SCEL: variants seen among roughly 807,000 people sequenced by gnomAD.
SCEL encodes sciellin.
SCEL carries 113 observed loss-of-function variants against 117.6 expected under a neutral mutation model. The observed-to-expected ratio is 0.96, with a 90% CI of 0.83 to 1.12. The LOEUF (loss-of-function observed/expected upper bound fraction) is 1.12, where lower values mean the gene tolerates loss of function less well. Ranked by LOEUF, SCEL falls within the 50% of genes most tolerant of loss-of-function variation. The pLI is 0.00. For missense variants in SCEL, 785 were observed against 810.8 expected, an observed-to-expected ratio of 0.97 and a Z score of 0.39; for synonymous variants, 270 against 256.2, an observed-to-expected ratio of 1.05 and a Z score of -0.51.
chr13:77,556,675 G>C lies in SCEL; in HGVS notation c.123G>C (p.Gln41His), dbSNP rs1567345296. 1.2e-6 allele frequency: 2 copies of C among 1,614,060 alleles called. No individual in the cohort carries two copies. The highest frequency in any genetic ancestry group is 3.3e-5 in the Admixed American group (2 of 60,014). Reference sequence around the variant, plus strand: ...TGAACAAAAGAAGAACTTTCTTACAGGATAACAGTTGGATAAAGAAACGCC... The same window carrying C: ...TGAACAAAAGAAGAACTTTCTTACACGATAACAGTTGGATAAAGAAACGCC... ...HEVNKRRTFL[Q>H]DNSWIKKRPE... The change falls in exon 3 of 33, where the codon CAG becomes CAC. Residue 41 changes from glutamine to histidine, a missense_variant. Gln to His is a conservative substitution (Grantham distance 24, BLOSUM62 0). Coordinates refer to ENST00000349847, the MANE Select transcript of SCEL (RefSeq NM_144777.3).
chr13:77,599,553 A>T, intron 14 of SCEL, 136 bp from the exon 15 acceptor site: 1 of 876,204 alleles, frequency 1.1e-6, no homozygotes, highest in Non-Finnish European at 1.9e-6. Flanking sequence ...AATTACCCAG[A>T]AGGATTTCTG....
chr13:77,598,128 A>G (rs1387041216), intron 13 of SCEL, among the ~76,000 whole-genome samples: 3 of 152,026 alleles, frequency 2.0e-5, no homozygotes, highest in African/African-American at 7.2e-5. Flanking sequence ...CGTGTGGCTA[A>G]TTTTTAATTT....
Position 77,644,327 on chromosome 13 carries a change from C to T in SCEL, c.*53C>T. 1.9e-6 allele frequency: 3 copies of T among 1,547,862 alleles called. No homozygotes were observed. The highest frequency in any genetic ancestry group is 2.7e-6 in the Non-Finnish European group (3 of 1,123,156). On this transcript the variant is annotated 3_prime_UTR_variant, in exon 33 of 33. Coordinates refer to ENST00000349847, the MANE Select transcript of SCEL (RefSeq NM_144777.3). ...AGCACTCATTAAGGAATTAAAGTTA[C>T]AAGTTTTATCTTAATAATATGTAAT...
intron 9 of SCEL, among the ~76,000 whole-genome samples, chr13:77,579,094 G>A (rs570790572): frequency 1.3e-5 from 2 of 152,216 alleles, no homozygotes; most frequent in South Asian, 2.1e-4. Context: ...AGTGTGGGTC[G>A]ATGGATTCTA....
intron 8 of SCEL, among the ~76,000 whole-genome samples, chr13:77,571,449 G>A (rs2085618676): frequency 6.6e-6 from 1 of 151,220 alleles, no homozygotes; most frequent in Non-Finnish European, 1.5e-5. Context: ...AGCACTTTCA[G>A]AGGCCGAGGC....
chr13:77,602,217 C>A, intron 16 of SCEL, 93 bp downstream of exon 16: 2 of 1,049,072 alleles, frequency 1.9e-6, no homozygotes, highest in Non-Finnish European at 2.8e-6. Flanking sequence ...TCCTTTGTGG[C>A]AGTGAACTCT....
chr13:77,567,225 G>A (rs774127251), intron 5 of SCEL, among the ~76,000 whole-genome samples: 18 of 152,242 alleles, frequency 1.2e-4, no homozygotes, highest in African/African-American at 4.1e-4. Flanking sequence ...AGGTGGAGGC[G>A]GATGGGTTAC....
chr13:77,551,459 G>A (rs544321386), intron 1 of SCEL, among the ~76,000 whole-genome samples: 31 of 152,268 alleles, frequency 2.0e-4, no homozygotes, highest in Admixed American at 6.5e-4. Context: ...TACCACAGAC[G>A]GGTGACTTAA....
chr13:77,569,602 TAG>T (rs1235111861), intron 8 of SCEL, 151 bp downstream of exon 8: 5 of 589,292 alleles, frequency 8.5e-6, no homozygotes, highest in Non-Finnish European at 1.2e-5. Flanking sequence ...TTCTCAAATA[TAG>T]AGTCTTGTTT....
chr13:77,584,226 C>T (rs2086431469), intron 9 of SCEL, among the ~76,000 whole-genome samples: 1 of 152,178 alleles, frequency 6.6e-6, no homozygotes, highest in South Asian at 2.1e-4. Context: ...TTTTAATCCC[C>T]CTGCTTGGCA....
At chr13:77,595,590 G>A (rs2087177624) in intron 12 of SCEL, among the ~76,000 whole-genome samples, 1 of 152,014 alleles carries the variant, frequency 6.6e-6, no homozygotes. Context: ...TGCCAGTCAG[G>A]AAAGCCTGGG....
intron 24 of SCEL, 137 bp from the exon 25 acceptor site, chr13:77,617,462 G>T: frequency 1.8e-6 from 1 of 562,224 alleles, no homozygotes. Context: ...CCCTAAATTG[G>T]TTAGAAAACG....
intron 28 of SCEL, among the ~76,000 whole-genome samples, chr13:77,632,277 A>G (rs764609458): frequency 9.2e-5 from 14 of 152,184 alleles, no homozygotes; most frequent in East Asian, 3.9e-4. Flanking sequence ...TTGATATTCT[A>G]TTGCTGAGGA....
In SCEL at chr13:77,563,895, G is replaced by T. The variant is rs1335230055; in HGVS notation, c.286G>T (p.Asp96Tyr). ...ISRYSSDDTLDRISDRNDAAK... is the reference protein window; with the variant it reads ...ISRYSSDDTLYRISDRNDAAK... ...TCGGTACAGTTCTGATGACACTTTG[G>T]ACAGGTAAGGGGCTTTTGAACCATA... Residue 96 changes from aspartate to tyrosine, a missense_variant, in exon 5 of 33, where the codon GAC becomes TAC. Transcript: ENST00000349847. The T allele has an allele frequency of 4.3e-5, 68 of 1,589,116 alleles. No homozygotes were observed. Among genetic ancestry groups the T allele is most frequent in the Non-Finnish European group, 5.6e-5 (65 of 1,170,444 alleles).
chr13:77,573,493 T>C (rs192590592), intron 9 of SCEL, among the ~76,000 whole-genome samples: 5 of 152,372 alleles, frequency 3.3e-5, no homozygotes, highest in Admixed American at 3.3e-4. Context: ...AGACTTCTAA[T>C]GTCTCTTTCA....
intron 7 of SCEL, among the ~76,000 whole-genome samples, chr13:77,568,606 C>T (rs913309728): frequency 4.6e-5 from 7 of 152,154 alleles, no homozygotes; most frequent in Non-Finnish European, 1.0e-4. Context: ...ATCTAGACTC[C>T]TTATTTTTTC....
chr13:77,632,036 T>C (rs1007297342), intron 28 of SCEL, among the ~76,000 whole-genome samples: 1 of 152,254 alleles, frequency 6.6e-6, no homozygotes, highest in Non-Finnish European at 1.5e-5. Flanking sequence ...AAGATATCTC[T>C]GGTAGCTCTT....
At chr13:77,589,896 C>T (rs145916493) in intron 10 of SCEL, among the ~76,000 whole-genome samples, 93 of 152,198 alleles carry the variant, frequency 6.1e-4, no homozygotes, top group African/African-American at 2.1e-3. Flanking sequence ...GAACTCTTCC[C>T]ATGTGTTACA....
Position 77,599,738 on chromosome 13 carries a change from G to T in SCEL, c.907G>T (p.Asp303Tyr), listed in dbSNP as rs781193413. Residue 303 changes from aspartate (D) to tyrosine (Y), a missense_variant, in exon 15 of 33, where the codon GAT (aspartate) becomes TAT (tyrosine). By Grantham distance (160) the Asp-to-Tyr change is radical. Transcript: ENST00000349847. Reference protein sequence around the residue: ...LIYMSTRTDKDGKGIQSLGSP... With the variant: ...LIYMSTRTDKYGKGIQSLGSP... The stretch of plus-strand genomic sequence containing the variant: ...CTATATGAGTACCCGGACAGATAAA[G>T]ATGGCAAAGGGTAAGATTTTATTAA... 1 of 1,609,394 alleles carries T rather than the reference G, an allele frequency of 6.2e-7. No individual in the cohort carries two copies. Among genetic ancestry groups the T allele is most frequent in the Non-Finnish European group, 8.5e-7 (1 of 1,175,816 alleles).
Sources: allele counts gnomAD v4.1 joint callset (sites outside exome capture counted in the v4.1 genomes callset), GRCh38; gene constraint gnomAD v4.1.1; transcripts MANE v1.5; gene names NCBI Gene and HGNC (gene_info 2026-07-23, HGNC 2026-07-21).